RHOJ: variants seen among roughly 807,000 people sequenced by gnomAD.
RHOJ encodes the protein ras homolog family member J.
In RHOJ, 11 loss-of-function variants were observed where a neutral mutation model predicts 23.4. The ratio of observed to expected loss-of-function variants is 0.47; its 90% CI spans 0.30 to 0.78. The LOEUF is 0.78. RHOJ is among the 30% of genes least tolerant of loss of function. RHOJ has a pLI of 0.08. For synonymous variants in RHOJ, 102 were observed against 102.7 expected, an observed-to-expected ratio of 0.99 and a Z score of 0.04; for missense variants, 254 against 273.4, an observed-to-expected ratio of 0.93 and a Z score of 0.50.
intron 1 of RHOJ, among the ~76,000 whole-genome samples, chr14:63,260,479 T>C (rs768608470): frequency 6.6e-6 from 1 of 152,186 alleles, no homozygotes; most frequent in Non-Finnish European, 1.5e-5. Context: ...TTAAATGACA[T>C]TTAATCCAAT....
chr14:63,235,466 A>G (rs961438053), intron 1 of RHOJ, among the ~76,000 whole-genome samples: 8 of 152,154 alleles, frequency 5.3e-5, no homozygotes, highest in African/African-American at 1.9e-4. Flanking sequence ...AGATGCTGCT[A>G]AAGTATTTAT....
rs199740984 is a variant in RHOJ, at chr14:63,211,199, AT to A, written c.178+6153del. Among the ~76,000 whole-genome samples the A allele has an allele frequency of 7.9e-3, 1,201 of 152,250 alleles. 10 individuals carry two copies. Among genetic ancestry groups the A allele is most frequent in the Middle Eastern group, 0.054 (16 of 294 alleles). On this transcript the variant is annotated intron_variant, in intron 1 of 4. Transcript: ENST00000316754. ...CAGGTCCAATCCACAGGGGGAAAAA[AT>A]AACATAATTATAATAAATAGTGAAT... is the stretch of plus-strand genomic sequence containing the variant.
At chr14:63,254,386 T>C (rs1316661414) in intron 1 of RHOJ, among the ~76,000 whole-genome samples, 2 of 152,134 alleles carry the variant, frequency 1.3e-5, no homozygotes, top group Admixed American at 1.3e-4. Context: ...CTGAGATCCC[T>C]AGCAGAGCTT....
rs778701179 is a variant in RHOJ at position 63,291,112 on chromosome 14, G to A, written c.*88G>A. ...AAGCTCCAGCCAAAAAGGAGGGCACGACCAGAAAGGAACTCCCTTTGCACG... is the reference window on the plus strand; with the variant it reads ...AAGCTCCAGCCAAAAAGGAGGGCACAACCAGAAAGGAACTCCCTTTGCACG... On this transcript the variant is annotated 3_prime_UTR_variant, in exon 5 of 5. Transcript: ENST00000316754. 5.4e-5 allele frequency: 79 copies of A among 1,465,926 alleles called. No homozygotes were observed. The highest frequency in any genetic ancestry group is 1.7e-4 in the Middle Eastern group (1 of 5,794). 90.8% of individuals were successfully genotyped at this position (1,465,926 alleles called of 1,614,324 possible).
At chr14:63,226,162 A>G (rs1377009799) in intron 1 of RHOJ, among the ~76,000 whole-genome samples, 1 of 152,158 alleles carries the variant, frequency 6.6e-6, no homozygotes, top group African/African-American at 2.4e-5. Context: ...AATCAGCAAC[A>G]TTTATTAGCA....
intron 1 of RHOJ, 50 bp downstream of exon 1, chr14:63,205,097 C>A (rs781701540): frequency 1.9e-6 from 3 of 1,568,350 alleles, no homozygotes; most frequent in Admixed American, 1.8e-5. Context: ...ATGCAGGGGG[C>A]GAGACCCTAA....
chr14:63,236,128 C>A (rs1376674555), intron 1 of RHOJ, among the ~76,000 whole-genome samples: 2 of 152,168 alleles, frequency 1.3e-5, no homozygotes, highest in Non-Finnish European at 2.9e-5. Context: ...TACTCTGACC[C>A]TACAGAATTC....
chr14:63,263,205 T>C (rs141341495), intron 1 of RHOJ, among the ~76,000 whole-genome samples: 16 of 152,336 alleles, frequency 1.1e-4, no homozygotes, highest in Non-Finnish European at 2.2e-4. Flanking sequence ...TGAATAGCAA[T>C]GATAGGATTC....
intron 2 of RHOJ, among the ~76,000 whole-genome samples, chr14:63,280,689 T>C (rs903889286): frequency 2.6e-5 from 4 of 152,208 alleles, no homozygotes; most frequent in African/African-American, 4.8e-5. Context: ...CTTTATGGTA[T>C]ATATAGGTAG....
chr14:63,262,359 A>G (rs948569326), intron 1 of RHOJ, among the ~76,000 whole-genome samples: 3 of 152,220 alleles, frequency 2.0e-5, no homozygotes, highest in Admixed American at 1.3e-4. Flanking sequence ...CTTCATTAGC[A>G]TCTCATACCA....
intron 1 of RHOJ, 62 bp from the exon 2 acceptor site, chr14:63,269,048 G>A (rs189989829): frequency 1.7e-6 from 2 of 1,156,102 alleles, no homozygotes; most frequent in East Asian, 2.3e-5. Flanking sequence ...CAATGTGAAG[G>A]CTCCTGATTG....
chr14:63,217,008 C>G (rs534801672), intron 1 of RHOJ, among the ~76,000 whole-genome samples: 107 of 152,292 alleles, frequency 7.0e-4, no homozygotes, highest in Non-Finnish European at 5.0e-4. Flanking sequence ...CTGTCATCCT[C>G]AGATGATACA....
At chr14:63,258,584 C>A (rs192829607) in intron 1 of RHOJ, among the ~76,000 whole-genome samples, 31 of 152,302 alleles carry the variant, frequency 2.0e-4, no homozygotes, top group Admixed American at 1.3e-3. Flanking sequence ...CCCTTGGCCA[C>A]CCAGCTTCCC....
chr14:63,249,783 C>A (rs903590221), intron 1 of RHOJ, among the ~76,000 whole-genome samples: 3 of 152,158 alleles, frequency 2.0e-5, no homozygotes, highest in African/African-American at 7.2e-5. Context: ...AATATGAATA[C>A]CTAGGTCTCA....
In RHOJ at chr14:63,256,270, C is replaced by T. The variant is rs113002768; in HGVS notation, c.179-12840C>T. On this transcript the variant is annotated intron_variant, in intron 1 of 4. Transcript: ENST00000316754. ...CTTACTCCCTGCACTATATGCCAAC[C>T]GGGGGCCGGCATCAGATCTCTGTGA... 1.1e-3 allele frequency among the ~76,000 whole-genome samples: 161 copies of T among 152,162 alleles called. 1 individual carries two copies. Among genetic ancestry groups the T allele is most frequent in the African/African-American group, 3.6e-3 (151 of 41,466 alleles).
In RHOJ at chr14:63,210,239, C is replaced by T. The variant is rs1396093959; in HGVS notation, c.178+5192C>T. On this transcript the variant is annotated intron_variant, in intron 1 of 4. Transcript: ENST00000316754. ...CCTCCCAAAGTGCTGGGATTACAGG[C>T]GTGAACCACCACGCCCAGCCAGCAT... Among the ~76,000 whole-genome samples, 11 of 152,262 alleles carry T rather than the reference C, an allele frequency of 7.2e-5. 1 individual carries two copies. In the South Asian group the frequency reaches 1.0e-3, roughly 14 times the overall value.
At chr14:63,278,057 G>A (rs1263487208) in intron 2 of RHOJ, among the ~76,000 whole-genome samples, 2 of 151,746 alleles carry the variant, frequency 1.3e-5, no homozygotes, top group Admixed American at 6.6e-5. Flanking sequence ...CAACTTCCCA[G>A]TATGACCAGT....
At chr14:63,236,065 T>G (rs1894783745) in intron 1 of RHOJ, among the ~76,000 whole-genome samples, 1 of 152,234 alleles carries the variant, frequency 6.6e-6, no homozygotes, top group East Asian at 1.9e-4. Flanking sequence ...CAGGTTTTAT[T>G]GTTTTAGATT....
chr14:63,235,091 T>C (rs1272820560), intron 1 of RHOJ, among the ~76,000 whole-genome samples: 1 of 152,094 alleles, frequency 6.6e-6, no homozygotes, highest in Non-Finnish European at 1.5e-5. Context: ...TCTTTACTAA[T>C]ATGCCAAACT....
Sources: allele counts gnomAD v4.1 joint callset (sites outside exome capture counted in the v4.1 genomes callset), GRCh38; gene constraint gnomAD v4.1.1; transcripts MANE v1.5; gene names NCBI Gene and HGNC (gene_info 2026-07-23, HGNC 2026-07-21).